Variants in MAF observed in about 807,000 individuals in gnomAD.
The protein encoded by MAF is MAF bZIP transcription factor.
Under a neutral mutation model 22.0 loss-of-function variants are expected in MAF, and 10 were observed. That is an observed-to-expected ratio of 0.45 (90% CI 0.28 to 0.77). The LOEUF is 0.77. Among genes scored for constraint, MAF ranks in the 30% least tolerant of loss-of-function variants. The pLI, the probability that MAF is intolerant of heterozygous loss-of-function variation, is 0.12. For synonymous variants in MAF, 337 were observed against 255.8 expected, an observed-to-expected ratio of 1.32 and a Z score of -3.03; for missense variants, 544 against 548.4, an observed-to-expected ratio of 0.99 and a Z score of 0.08.
chr16:79,275,908 G>A, the MAF span, among the ~76,000 whole-genome samples: 2,974 of 152,248 alleles, frequency 0.02, 93 homozygotes, highest in African/African-American at 0.067. Flanking sequence ...TTGGGAGGTC[G>A]AGGCAGGCAG....
the MAF span, among the ~76,000 whole-genome samples, chr16:79,384,077 G>T: frequency 6.6e-6 from 1 of 152,152 alleles, no homozygotes; most frequent in Non-Finnish European, 1.5e-5. Context: ...CTCCTCCTGA[G>T]TTGTACAATC....
the MAF span, among the ~76,000 whole-genome samples, chr16:79,383,357 G>C: frequency 3.3e-5 from 5 of 152,032 alleles, no homozygotes; most frequent in Non-Finnish European, 1.5e-5. Flanking sequence ...GAAAACTCAA[G>C]AAATCAAGAA....
At chr16:79,575,522 A>G in the MAF span, among the ~76,000 whole-genome samples, 1 of 152,140 alleles carries the variant, frequency 6.6e-6, no homozygotes, top group Non-Finnish European at 1.5e-5. Flanking sequence ...TGAGAATTGG[A>G]GCTTAGAGAC....
the MAF span, among the ~76,000 whole-genome samples, chr16:79,281,429 T>C: frequency 6.6e-6 from 1 of 152,182 alleles, no homozygotes; most frequent in South Asian, 2.1e-4. Context: ...TACCAAATAT[T>C]TAAGGTGAGC....
chr16:79,278,762 GC>G, the MAF span, among the ~76,000 whole-genome samples: 1 of 152,096 alleles, frequency 6.6e-6, no homozygotes, highest in Non-Finnish European at 1.5e-5. Context: ...ACAGGGACCC[GC>G]CCTGACAGGG....
At chr16:79,591,391 G>C (rs1460016529), downstream of MAF, among the ~76,000 whole-genome samples, 1 of 152,050 alleles carries the variant, frequency 6.6e-6, no homozygotes, top group Non-Finnish European at 1.5e-5. Flanking sequence ...TTGAATTAAT[G>C]CTCCTTCTAA....
chr16:79,223,257 G>A, the MAF span, among the ~76,000 whole-genome samples: 3 of 152,140 alleles, frequency 2.0e-5, no homozygotes, highest in South Asian at 2.1e-4. Flanking sequence ...ACCTGCTCCT[G>A]AATGACTACT....
chr16:79,262,261 G>A, the MAF span, among the ~76,000 whole-genome samples: 4 of 152,270 alleles, frequency 2.6e-5, no homozygotes, highest in East Asian at 1.9e-4. Flanking sequence ...AGTAGGTATC[G>A]TCACTGGAAG....
At chr16:79,517,411 G>C in the MAF span, among the ~76,000 whole-genome samples, 1 of 152,084 alleles carries the variant, frequency 6.6e-6, no homozygotes, top group East Asian at 1.9e-4. Context: ...CTTAACTTGG[G>C]CTGCTTACCC....
chr16:79,250,376 C>T, the MAF span, among the ~76,000 whole-genome samples: 134 of 152,332 alleles, frequency 8.8e-4, no homozygotes, highest in African/African-American at 3.0e-3. Flanking sequence ...CTGACCTCTC[C>T]GCAACTCAGC....
At chr16:79,268,555 C>A in the MAF span, among the ~76,000 whole-genome samples, 13 of 152,058 alleles carry the variant, frequency 8.5e-5, no homozygotes, top group African/African-American at 3.1e-4. Context: ...TTTCTGTAGT[C>A]GAACTAGGAC....
At chr16:79,210,522 G>C in the MAF span, among the ~76,000 whole-genome samples, 1 of 152,098 alleles carries the variant, frequency 6.6e-6, no homozygotes, top group East Asian at 1.9e-4. Flanking sequence ...CCTTGTGGGG[G>C]CGAGCTTATC....
At chr16:79,469,657 C>T in the MAF span, among the ~76,000 whole-genome samples, 9 of 152,008 alleles carry the variant, frequency 5.9e-5, no homozygotes, top group South Asian at 2.1e-4. Context: ...AGTGCAGTGG[C>T]GTGATCTCAG....
chr16:79,296,625 A>AC, the MAF span, among the ~76,000 whole-genome samples: 1 of 147,812 alleles, frequency 6.8e-6, no homozygotes, highest in Non-Finnish European at 1.5e-5. Flanking sequence ...AAGATTTGTA[A>AC]TTTTTTTTTT....
the MAF span, among the ~76,000 whole-genome samples, chr16:79,348,080 T>C: frequency 2.6e-5 from 4 of 152,258 alleles, no homozygotes; most frequent in Admixed American, 2.0e-4. Context: ...GACCTTTTCC[T>C]GCTAATTGGA....
At chr16:79,559,654 A>T in the MAF span, among the ~76,000 whole-genome samples, 1 of 152,200 alleles carries the variant, frequency 6.6e-6, no homozygotes, top group African/African-American at 2.4e-5. Flanking sequence ...AAACTGCTGT[A>T]CATTACTATC....
the MAF span, among the ~76,000 whole-genome samples, chr16:79,251,584 T>TGGGATTACA: frequency 4.1e-3 from 619 of 152,292 alleles, 6 homozygotes; most frequent in Admixed American, 0.023. Flanking sequence ...CCCAAAGTGC[T>TGGGATTACA]GGCATGAGCC....
the MAF span, among the ~76,000 whole-genome samples, chr16:79,490,412 A>AG: frequency 2.1e-4 from 32 of 152,196 alleles, 1 homozygote; most frequent in African/African-American, 7.5e-4. Flanking sequence ...GATGCTGTAG[A>AG]GGGGATTCCT....
At chr16:79,499,979 G>A in the MAF span, among the ~76,000 whole-genome samples, 1 of 152,172 alleles carries the variant, frequency 6.6e-6, no homozygotes, top group African/African-American at 2.4e-5. Flanking sequence ...GGCAGAGGGA[G>A]TTTAAGGGCA....
Sources: gnomAD v4.1 joint callset for allele counts (sites outside exome capture counted in the v4.1 genomes callset) on GRCh38, gnomAD v4.1.1 for gene constraint, MANE v1.5 for transcripts, NCBI Gene and HGNC (gene_info 2026-07-23, HGNC 2026-07-21) for gene names.